The following DISC1 variants were observed in gnomAD, a reference collection of about 807,000 sequenced individuals.
DISC1 encodes DISC1 scaffold protein.
A neutral mutation model predicts 84.5 loss-of-function variants in DISC1; 57 were observed. The observed-to-expected ratio is 0.67, with a 90% confidence interval of 0.55 to 0.84. The LOEUF is 0.84. DISC1 is among the 40% of genes least tolerant of loss of function. DISC1 has a pLI of 0.00. For missense variants in DISC1, 1,000 were observed against 1,057.8 expected, an observed-to-expected ratio of 0.95 and a Z score of 0.76; for synonymous variants, 411 against 415.2, an observed-to-expected ratio of 0.99 and a Z score of 0.12.
At chr1:231,767,471 A>T (rs2125438803) in intron 5 of DISC1, among the ~76,000 whole-genome samples, 1 of 152,132 alleles carries the variant, frequency 6.6e-6, no homozygotes, top group South Asian at 2.1e-4. Flanking sequence ...AAATTTTTTT[A>T]TTTTTAGTAG....
chr1:231,822,421 A>C (rs2081561364), intron 9 of DISC1, among the ~76,000 whole-genome samples: 1 of 152,080 alleles, frequency 6.6e-6, no homozygotes, highest in African/African-American at 2.4e-5. Flanking sequence ...CCCAGCCTAA[A>C]CTCATTTGTC....
intron 10 of DISC1, among the ~76,000 whole-genome samples, chr1:231,995,538 T>G (rs1008053113): frequency 1.3e-5 from 2 of 151,944 alleles, no homozygotes; most frequent in Non-Finnish European, 2.9e-5. Context: ...CCCCTTCCTG[T>G]GTCCATGTGT....
intron 10 of DISC1, among the ~76,000 whole-genome samples, chr1:231,973,040 G>A (rs1362692833): frequency 4.0e-5 from 6 of 149,948 alleles, no homozygotes; most frequent in African/African-American, 1.5e-4. Context: ...GTATGCCAAT[G>A]TCTTGTTCTT....
At chr1:231,857,873 A>G (rs201965449) in intron 9 of DISC1, among the ~76,000 whole-genome samples, 23 of 152,328 alleles carry the variant, frequency 1.5e-4, no homozygotes, top group South Asian at 1.0e-3. Context: ...AGCATTTTCT[A>G]AAAGGTTTAT....
Position 231,941,085 on chromosome 1 carries a change from C to T in DISC1, c.1982-17743C>T, listed in dbSNP as rs374069123. On this transcript the variant is annotated intron_variant, in intron 9 of 12. Transcript: ENST00000439617. Reference sequence around the variant, plus strand: ...TGGGTGGGTGGGAGGTTCCCCTTCACCCACAGTCCTGAATCTGAGTTCTTG... The same window carrying T: ...TGGGTGGGTGGGAGGTTCCCCTTCATCCACAGTCCTGAATCTGAGTTCTTG... 2.0e-5 allele frequency: 3 copies of T among 152,342 alleles called. No homozygotes were observed. In the East Asian group the frequency reaches 5.8e-4, roughly 29 times the overall value. The allele number at this position is 152,342 out of a possible 1,614,324, so 9.4% of individuals were successfully genotyped here. A position where few individuals can be genotyped will look rare whatever the true frequency, so the allele number is the denominator to read the frequency against.
At chr1:231,907,108 C>CCCTCCCTTCCA (rs1558717349) in intron 9 of DISC1, among the ~76,000 whole-genome samples, 1 of 81,276 alleles carries the variant, frequency 1.2e-5, no homozygotes, top group Non-Finnish European at 2.3e-5. Flanking sequence ...CCTTCCTTCT[C>CCCTCCCTTCCA]TCCTTCCTTC....
chr1:231,642,532 AT>A (rs1418641219), intron 1 of DISC1, among the ~76,000 whole-genome samples: 1 of 152,218 alleles, frequency 6.6e-6, no homozygotes, highest in Non-Finnish European at 1.5e-5. Context: ...TACCAAATGT[AT>A]CATGGACAGT....
intron 10 of DISC1, among the ~76,000 whole-genome samples, chr1:231,992,132 A>G (rs1196594767): frequency 6.6e-6 from 1 of 152,186 alleles, no homozygotes; most frequent in Non-Finnish European, 1.5e-5. Context: ...TAGAAGAGGA[A>G]TAGCTAGTGA....
chr1:231,914,621 G>A (rs1031752144), intron 9 of DISC1, among the ~76,000 whole-genome samples: 44 of 152,196 alleles, frequency 2.9e-4, no homozygotes, highest in African/African-American at 8.7e-4. Context: ...TCTCAGGGGA[G>A]ACTCTGACTG....
At position 231,954,009 on chromosome 1, in the gene DISC1, C is replaced by T. The variant is rs745556645; in HGVS notation, c.1982-4819C>T. 2.0e-5 allele frequency among the ~76,000 whole-genome samples: 3 copies of T among 152,200 alleles called. No homozygotes were observed. Among genetic ancestry groups the T allele is most frequent in the African/African-American group, 4.8e-5 (2 of 41,454 alleles). On this transcript the variant is annotated intron_variant, in intron 9 of 12. Coordinates refer to ENST00000439617, the MANE Select transcript of DISC1 (RefSeq NM_018662.3). The surrounding 1 kb of genome is among the most constrained non-coding windows in gnomAD (Gnocchi z 4.8). ...CAAGGGATACAATTCATTGAAACCT[C>T]GTTGGACTTCCTCCCACTTAACATT...
In DISC1 at chr1:231,854,908, G is replaced by T. The variant is rs1290880567; in HGVS notation, c.1981+36391G>T. ...ATTTTGTATTCTTAGTAGAGATGGG[G>T]TTTTACCATGTTGACCAGACTGGTC... On this transcript the variant is annotated intron_variant, in intron 9 of 12. Coordinates refer to ENST00000439617, the MANE Select transcript of DISC1 (RefSeq NM_018662.3). 2.2e-5 allele frequency: 12 copies of T among 538,274 alleles called. 2 individuals are homozygous for T. The Admixed American group carries it at 3.0e-4, about 13-fold the overall frequency. The allele number at this position is 538,274 out of a possible 1,614,324, so 33.3% of individuals were successfully genotyped here. A position where few individuals can be genotyped will look rare whatever the true frequency, so the allele number is the denominator to read the frequency against.
At chr1:231,670,260 T>C (rs111708915) in intron 1 of DISC1, among the ~76,000 whole-genome samples, 116 of 152,216 alleles carry the variant, frequency 7.6e-4, no homozygotes, top group African/African-American at 2.7e-3. Context: ...AACTAATGGG[T>C]ACTAGGCTTA....
intron 9 of DISC1, among the ~76,000 whole-genome samples, chr1:231,878,222 TAAAAC>T (rs965207503): frequency 5.3e-5 from 8 of 152,172 alleles, no homozygotes; most frequent in South Asian, 2.1e-4. Flanking sequence ...GAGGAAAACT[TAAAAC>T]AAAGACACAG....
At chr1:231,885,971 G>T (rs1287878364) in intron 9 of DISC1, among the ~76,000 whole-genome samples, 1 of 152,204 alleles carries the variant, frequency 6.6e-6, no homozygotes, top group Non-Finnish European at 1.5e-5. Flanking sequence ...AGACTGGGAA[G>T]TTCAAGATCA....
intron 10 of DISC1, among the ~76,000 whole-genome samples, chr1:232,007,760 T>C (rs1261908064): frequency 6.6e-6 from 1 of 152,092 alleles, no homozygotes; most frequent in Non-Finnish European, 1.5e-5. Flanking sequence ...GGACTTGAGA[T>C]TTGAGAGGGG....
At chr1:231,679,739 C>T (rs1261371083) in intron 1 of DISC1, among the ~76,000 whole-genome samples, 1 of 152,164 alleles carries the variant, frequency 6.6e-6, no homozygotes, top group African/African-American at 2.4e-5. Context: ...AAACAGTTTG[C>T]TCTCTTAAAC....
At chr1:231,671,120 A>C (rs2062578730) in intron 1 of DISC1, among the ~76,000 whole-genome samples, 1 of 152,036 alleles carries the variant, frequency 6.6e-6, no homozygotes, top group Admixed American at 6.6e-5. Context: ...TTTGGATTTC[A>C]GTGATTTTAC....
At chr1:231,910,744 C>T (rs2089132785) in intron 9 of DISC1, among the ~76,000 whole-genome samples, 1 of 152,096 alleles carries the variant, frequency 6.6e-6, no homozygotes, top group Non-Finnish European at 1.5e-5. Context: ...AACTTTCTGT[C>T]TGGTTGATCT....
intron 4 of DISC1, among the ~76,000 whole-genome samples, chr1:231,761,214 T>A (rs997131075): frequency 3.3e-5 from 5 of 152,210 alleles, no homozygotes; most frequent in Admixed American, 3.3e-4. Context: ...CTGAGTGCTG[T>A]TCTAACATTC....
Sources: gnomAD v4.1 joint callset for allele counts (sites outside exome capture counted in the v4.1 genomes callset) on GRCh38, gnomAD v4.1.1 for gene constraint, Gnocchi (gnomAD v3.1) non-coding constraint, MANE v1.5 for transcripts, NCBI Gene and HGNC (gene_info 2026-07-23, HGNC 2026-07-21) for gene names.